Variants in GNAS observed in about 807,000 individuals in gnomAD.
The protein encoded by GNAS is GNAS complex locus, also known as protein ALEX.
GNAS carries 8 observed loss-of-function variants against 54.5 expected under a neutral mutation model. That is an observed-to-expected ratio of 0.15 (90% CI 0.09 to 0.26). The LOEUF (loss-of-function observed/expected upper bound fraction) is 0.26. GNAS is among the 10% of genes least tolerant of loss of function. GNAS has a pLI of 1.00. For missense variants in GNAS, 170 were observed against 529.8 expected (o/e 0.32, Z 6.67); for synonymous variants, 204 against 191.4 (o/e 1.07, Z -0.54).
intron 6 of GNAS, among the ~76,000 whole-genome samples, chr20:58,905,924 TG>T: frequency 6.6e-6 from 1 of 152,350 alleles, no homozygotes; most frequent in Non-Finnish European, 1.5e-5. Context: ...AGTTGTTGAT[TG>T]ATCTATTTCT....
rs548234175 is a variant in GNAS at position 58,910,973 on chromosome 20, C to G, written c.*144C>G. 2.5e-6 allele frequency: 2 copies of G among 815,842 alleles called. No individual in the cohort carries two copies. The highest frequency in any genetic ancestry group is 1.7e-5 in the African/African-American group (1 of 59,580). 50.5% of individuals were successfully genotyped at this position (815,842 alleles called of 1,614,324 possible). A position where few individuals can be genotyped will look rare whatever the true frequency, so the allele number is the denominator to read the frequency against. ...CCCCCGAGTGATTTTGCGAAACCCC[C>G]TTTTCCCTTCAGCTTGCTTAGATGT... On this transcript the variant is annotated 3_prime_UTR_variant, in exon 13 of 13. Transcript: ENST00000371085. This position sits in a 1 kb window ranked among gnomAD's most constrained non-coding sequence, Gnocchi z 5.8.
At chr20:58,877,433 C>T (rs1049960686) in intron 1 of GNAS, among the ~76,000 whole-genome samples, 2 of 152,158 alleles carry the variant, frequency 1.3e-5, no homozygotes, top group Non-Finnish European at 2.9e-5. Flanking sequence ...AGATTTTAAC[C>T]CCAGGGCTGG....
chr20:58,853,346 G>A lies in GNAS; in HGVS notation c.43+12460G>A, dbSNP rs1164800660. On this transcript the variant is annotated intron_variant, in intron 1 of 12. Coordinates refer to the GNAS transcript ENST00000306090. This position sits in a 1 kb window ranked among gnomAD's most constrained non-coding sequence, Gnocchi z 4.4. ...CCCCTGAAATCGGGGAACAGCCCGA[G>A]CAACCACCTTTGGAGGCCCCAGGGG... is the stretch of plus-strand genomic sequence containing the variant. 2 of 1,551,542 alleles carry A rather than the reference G, an allele frequency of 1.3e-6. No homozygotes were observed. Among genetic ancestry groups the A allele is most frequent in the Non-Finnish European group, 1.7e-6 (2 of 1,147,538 alleles).
At chr20:58,850,535 A>G in intron 1 of GNAS, 1 of 398,584 alleles carries the variant, frequency 2.5e-6, no homozygotes, top group Non-Finnish European at 4.4e-6. Flanking sequence ...CTGACCTTCC[A>G]CTTGTGCAGG....
chr20:58,860,486 G>A (rs1241320890), intron 1 of GNAS, among the ~76,000 whole-genome samples: 1 of 152,030 alleles, frequency 6.6e-6, no homozygotes, highest in Non-Finnish European at 1.5e-5. Flanking sequence ...GCGTTAGAAT[G>A]TTTAGAATCC....
intron 1 of GNAS, among the ~76,000 whole-genome samples, chr20:58,859,092 T>C (rs2086645871): frequency 1.3e-5 from 2 of 152,198 alleles, no homozygotes; most frequent in Admixed American, 1.3e-4. Flanking sequence ...GCAAAAAGAA[T>C]TGGGGGTCAT....
At chr20:58,882,181 G>A (rs2088270044) in intron 1 of GNAS, among the ~76,000 whole-genome samples, 1 of 152,128 alleles carries the variant, frequency 6.6e-6, no homozygotes, top group Non-Finnish European at 1.5e-5. Flanking sequence ...CCATTCTCCC[G>A]CCTCAGCCTC....
intron 2 of GNAS, among the ~76,000 whole-genome samples, chr20:58,896,823 C>T (rs2090112247): frequency 6.6e-6 from 1 of 152,024 alleles, no homozygotes; most frequent in Non-Finnish European, 1.5e-5. Context: ...GCTTCAGCTT[C>T]CATTTCAAAA....
At chr20:58,854,446 CA>C in intron 1 of GNAS, 2 of 1,575,452 alleles carry the variant, frequency 1.3e-6, no homozygotes, top group Non-Finnish European at 1.7e-6. Context: ...GCTGCCAGGG[CA>C]GCCCCTGCAG....
intron 1 of GNAS, among the ~76,000 whole-genome samples, chr20:58,893,021 A>G (rs1279624406): frequency 3.4e-5 from 5 of 149,054 alleles, no homozygotes; most frequent in Non-Finnish European, 7.4e-5. Flanking sequence ...CTGGAGAATG[A>G]CATTTGTCTG....
intron 1 of GNAS, among the ~76,000 whole-genome samples, chr20:58,885,356 C>G (rs80031156): frequency 0.022 from 3,393 of 152,316 alleles, 120 homozygotes; most frequent in African/African-American, 0.078. Flanking sequence ...CATCTCAAAG[C>G]CACTGGCTCA....
intron 5 of GNAS, among the ~76,000 whole-genome samples, chr20:58,904,344 C>A (rs1367291329): frequency 1.3e-5 from 2 of 152,086 alleles, no homozygotes; most frequent in Admixed American, 6.6e-5. Flanking sequence ...CAAATGAAAT[C>A]TTTTCTCATT....
At chr20:58,859,786 C>T (rs889389250) in intron 1 of GNAS, among the ~76,000 whole-genome samples, 5 of 151,740 alleles carry the variant, frequency 3.3e-5, no homozygotes, top group Non-Finnish European at 7.4e-5. Context: ...GCACCATGCC[C>T]GGCTAATTTT....
At chr20:58,892,661 C>G (rs896423101) in intron 1 of GNAS, among the ~76,000 whole-genome samples, 6 of 151,868 alleles carry the variant, frequency 4.0e-5, no homozygotes, top group Non-Finnish European at 8.8e-5. Flanking sequence ...GCGGAGCAGA[C>G]GTGTCCCGGG....
At chr20:58,851,968 C>T (rs2145548650) in intron 1 of GNAS, among the ~76,000 whole-genome samples, 1 of 152,306 alleles carries the variant, frequency 6.6e-6, no homozygotes, top group South Asian at 2.1e-4. Flanking sequence ...ACAGCGTTGT[C>T]CAGTCTCGAA....
intron 1 of GNAS, among the ~76,000 whole-genome samples, chr20:58,893,285 G>C (rs1025313109): frequency 7.9e-5 from 12 of 151,918 alleles, no homozygotes; most frequent in African/African-American, 2.9e-4. Context: ...TTAACTATAA[G>C]GAGATGGCCT....
At chr20:58,882,115 C>G (rs1156811397) in intron 1 of GNAS, among the ~76,000 whole-genome samples, 1 of 152,240 alleles carries the variant, frequency 6.6e-6, no homozygotes, top group East Asian at 1.9e-4. Flanking sequence ...GTCGCCCAGG[C>G]TGGAGTGCAG....
chr20:58,898,813 A>ATGGC (rs1264661192), intron 2 of GNAS, 128 bp from the exon 3 acceptor site: 7 of 856,520 alleles, frequency 8.2e-6, no homozygotes, highest in Non-Finnish European at 1.2e-5. Flanking sequence ...GGGAGGATGG[A>ATGGC]TGGCTGGCGC....
upstream of GNAS, chr20:58,888,796 G>A (rs990420562): frequency 6.6e-6 from 1 of 152,114 alleles, no homozygotes; most frequent in African/African-American, 2.4e-5. Flanking sequence ...GCGCCGCTGG[G>A]AGGGCGGGGT....
Sources: gnomAD v4.1 joint callset for allele counts (sites outside exome capture counted in the v4.1 genomes callset) on GRCh38, gnomAD v4.1.1 for gene constraint, Gnocchi (gnomAD v3.1) non-coding constraint, MANE v1.5 for transcripts, NCBI Gene and HGNC (gene_info 2026-07-23, HGNC 2026-07-21) for gene names.